Variants in SRCIN1 observed in about 807,000 individuals in gnomAD.
SRCIN1 encodes the protein SRC kinase signaling inhibitor 1.
A neutral mutation model predicts 116.2 loss-of-function variants in SRCIN1; 50 were observed. The observed-to-expected ratio is 0.43, with a 90% confidence interval of 0.34 to 0.54. The LOEUF (loss-of-function observed/expected upper bound fraction) is 0.54, where lower values mean the gene tolerates loss of function less well. Ranked by LOEUF, SRCIN1 falls within the 20% of genes least tolerant of loss-of-function variation. The pLI, the probability that SRCIN1 is intolerant of heterozygous loss-of-function variation, is 0.02. For missense variants in SRCIN1, 1,446 were observed against 1,672.0 expected, an observed-to-expected ratio of 0.86 and a Z score of 2.36; for synonymous variants, 736 against 750.0, an observed-to-expected ratio of 0.98 and a Z score of 0.30.
chr17:38,582,450 C>G (rs1907877282), intron 1 of SRCIN1, among the ~76,000 whole-genome samples: 2 of 152,182 alleles, frequency 1.3e-5, no homozygotes, highest in South Asian at 2.1e-4. Context: ...GACTGCAGTC[C>G]CACAAATCTC....
intron 2 of SRCIN1, among the ~76,000 whole-genome samples, chr17:38,571,700 G>A (rs1233376298): frequency 6.6e-6 from 1 of 152,220 alleles, no homozygotes; most frequent in Non-Finnish European, 1.5e-5. Context: ...GAATCTTAAA[G>A]GAGCTGGGGC....
intron 18 of SRCIN1, 122 bp downstream of exon 18, chr17:38,543,701 G>A: frequency 7.2e-7 from 1 of 1,388,002 alleles, no homozygotes; most frequent in Non-Finnish European, 9.6e-7. Flanking sequence ...GGCAGGGAAG[G>A]TCTGTCTGGG....
chr17:38,560,169 G>T, intron 8 of SRCIN1, 72 bp from the exon 9 acceptor site: 1 of 1,431,066 alleles, frequency 7.0e-7, no homozygotes, highest in Non-Finnish European at 9.4e-7. Flanking sequence ...GTGGAACCTT[G>T]GATGTCATCT....
rs543498136 is a variant in SRCIN1, at chr17:38,568,950, G to T, written c.325-719C>A. Among the ~76,000 whole-genome samples the T allele has an allele frequency of 6.6e-6, 1 of 151,962 alleles. No homozygotes were observed. Among genetic ancestry groups the T allele is most frequent in the Admixed American group, 6.5e-5 (1 of 15,270 alleles). On this transcript the variant is annotated intron_variant, in intron 2 of 18. Coordinates refer to ENST00000617146, the MANE Select transcript of SRCIN1 (RefSeq NM_025248.3). The surrounding 1 kb of genome is among the most constrained non-coding windows in gnomAD (Gnocchi z 4.5). ...ATGGGGCAGGGGTCGGAGGAGGGGG[G>T]CTGGGGCCCAAGGCCAAGAGAGAGA...
intron 1 of SRCIN1, among the ~76,000 whole-genome samples, chr17:38,590,556 C>T (rs938356101): frequency 1.3e-5 from 2 of 152,236 alleles, no homozygotes; most frequent in Non-Finnish European, 2.9e-5. Flanking sequence ...CCCTTGAACA[C>T]CCACACATAT....
intron 1 of SRCIN1, among the ~76,000 whole-genome samples, chr17:38,586,829 G>A (rs1409883546): frequency 3.9e-5 from 6 of 152,252 alleles, no homozygotes; most frequent in African/African-American, 9.6e-5. Context: ...GTTGGTAAAC[G>A]AGTCAGAATC....
At chr17:38,556,251 A>G (rs1428099780) in intron 11 of SRCIN1, among the ~76,000 whole-genome samples, 1 of 152,280 alleles carries the variant, frequency 6.6e-6, no homozygotes, top group East Asian at 1.9e-4. Flanking sequence ...GCAGAGCATT[A>G]CACCAAGCAT....
intron 17 of SRCIN1, among the ~76,000 whole-genome samples, chr17:38,545,752 AG>A (rs1174706576): frequency 2.0e-5 from 3 of 152,216 alleles, no homozygotes; most frequent in Non-Finnish European, 4.4e-5. Flanking sequence ...AGCCGGGCTC[AG>A]GGTTGTTCCC....
intron 3 of SRCIN1, among the ~76,000 whole-genome samples, chr17:38,565,540 C>A (rs2143224081): frequency 6.6e-6 from 1 of 152,170 alleles, no homozygotes; most frequent in South Asian, 2.1e-4. Flanking sequence ...GAATAGATTC[C>A]TTTTATAATT....
intron 1 of SRCIN1, among the ~76,000 whole-genome samples, chr17:38,592,001 C>T (rs537545360): frequency 6.6e-6 from 1 of 152,324 alleles, no homozygotes; most frequent in Non-Finnish European, 1.5e-5. Flanking sequence ...AACCACAAGC[C>T]CACATGATAA....
At chr17:38,549,908 C>T (rs1486330361) in intron 15 of SRCIN1, among the ~76,000 whole-genome samples, 1 of 152,214 alleles carries the variant, frequency 6.6e-6, no homozygotes, top group Non-Finnish European at 1.5e-5. Flanking sequence ...TTTGCACACG[C>T]TGTTCCCTCA....
At chr17:38,583,376 G>A (rs1018846368) in intron 1 of SRCIN1, among the ~76,000 whole-genome samples, 2 of 151,902 alleles carry the variant, frequency 1.3e-5, no homozygotes. Context: ...CACACACCCA[G>A]CCTCATTAAT....
chr17:38,537,161 G>C lies in SRCIN1; in HGVS notation c.3418-3730C>G, dbSNP rs537255911. 1.2e-4 allele frequency among the ~76,000 whole-genome samples: 18 copies of C among 151,452 alleles called. No individual in the cohort carries two copies. In the South Asian group the frequency reaches 3.5e-3, roughly 30 times the overall value. On this transcript the variant is annotated intron_variant, in intron 18 of 18. Coordinates refer to ENST00000617146, the MANE Select transcript of SRCIN1 (RefSeq NM_025248.3). ...CCACTGCACTCCAGCCTGGGTGACA[G>C]AGCGAGAGACTCTATCTCAAAAAAA...
At chr17:38,583,548 G>GTTTTTTTTTTTT (rs10691272) in intron 1 of SRCIN1, among the ~76,000 whole-genome samples, 1 of 104,294 alleles carries the variant, frequency 9.6e-6, no homozygotes, top group Non-Finnish European at 2.0e-5. Flanking sequence ...TTCATTTTCT[G>GTTTTTTTTTTTT]TTTTTTTTTT....
At position 38,604,417 on chromosome 17, in the gene SRCIN1, A is replaced by G. The variant is rs576651381; in HGVS notation, c.22+1267T>C. ...GTGCTGCAGGACCTCCTTGTCCCAC[A>G]ACATTTGAGGAGGGGGGCTGGGAAG... On this transcript the variant is annotated intron_variant, in intron 1 of 18. Transcript: ENST00000617146. This position sits in a 1 kb window ranked among gnomAD's most constrained non-coding sequence, Gnocchi z 4.3. 4.9e-6 allele frequency: 2 copies of G among 405,842 alleles called. No homozygotes were observed. The highest frequency in any genetic ancestry group is 9.8e-6 in the Non-Finnish European group (2 of 204,416). 25.1% of individuals were successfully genotyped at this position (405,842 alleles called of 1,614,324 possible). A position where few individuals can be genotyped will look rare whatever the true frequency, so the allele number is the denominator to read the frequency against.
rs1276853661 is a variant in SRCIN1 at position 38,605,828 on chromosome 17, G to A, written c.-123C>T. On this transcript the variant is annotated 5_prime_UTR_variant, in exon 1 of 19. Coordinates refer to ENST00000617146, the MANE Select transcript of SRCIN1 (RefSeq NM_025248.3). ...CGCGGTGCCAGGCGGGCGGGCCGGG[G>A]GCGCGGGCCCCGCCGGGGTGGACCA... 1 of 229,628 alleles carries A rather than the reference G, an allele frequency of 4.4e-6. No individual in the cohort carries two copies. Among genetic ancestry groups the A allele is most frequent in the Non-Finnish European group, 7.1e-6 (1 of 141,146 alleles). 14.2% of individuals were successfully genotyped at this position (229,628 alleles called of 1,614,324 possible). A position where few individuals can be genotyped will look rare whatever the true frequency, so the allele number is the denominator to read the frequency against.
intron 1 of SRCIN1, among the ~76,000 whole-genome samples, chr17:38,594,383 G>T (rs1039037997): frequency 1.3e-5 from 2 of 152,184 alleles, no homozygotes; most frequent in African/African-American, 4.8e-5. Flanking sequence ...CAAGGCGGCG[G>T]CAGCCACGGT....
chr17:38,595,641 C>T (rs1310573387), intron 1 of SRCIN1, among the ~76,000 whole-genome samples: 1 of 152,178 alleles, frequency 6.6e-6, no homozygotes, highest in South Asian at 2.1e-4. Flanking sequence ...TTCTCCCATC[C>T]CCCACCCTCT....
chr17:38,584,594 G>C (rs377219854), intron 1 of SRCIN1, among the ~76,000 whole-genome samples: 4 of 152,320 alleles, frequency 2.6e-5, no homozygotes, highest in African/African-American at 9.6e-5. Context: ...TCATTTGTCC[G>C]AACAATTCCA....
Sources: gnomAD v4.1 joint callset for allele counts (sites outside exome capture counted in the v4.1 genomes callset) on GRCh38, gnomAD v4.1.1 for gene constraint, Gnocchi (gnomAD v3.1) non-coding constraint, MANE v1.5 for transcripts, NCBI Gene and HGNC (gene_info 2026-07-23, HGNC 2026-07-21) for gene names.